The following AGMO variants were observed in gnomAD, a reference collection of about 807,000 sequenced individuals.
AGMO encodes the protein glyceryl-ether monooxygenase.
Under a neutral mutation model 60.2 loss-of-function variants are expected in AGMO, and 75 were observed. That is an observed-to-expected ratio of 1.25 (90% CI 1.03 to 1.51). The LOEUF (loss-of-function observed/expected upper bound fraction) is 1.51, where lower values mean the gene tolerates loss of function less well. AGMO is among the 40% of genes most tolerant of loss of function. AGMO has a pLI of 0.00. For synonymous variants in AGMO, 261 were observed against 177.1 expected (o/e 1.47, Z -3.76); for missense variants, 763 against 525.5 (o/e 1.45, Z -4.42).
chr7:15,390,610 CT>C, intron 8 of AGMO, 60 bp downstream of exon 8: 1 of 1,321,206 alleles, frequency 7.6e-7, no homozygotes. Flanking sequence ...TGATTTTTCT[CT>C]TAACTATAAG....
At chr7:15,356,061 T>C (rs980583907) in intron 12 of AGMO, among the ~76,000 whole-genome samples, 1 of 152,186 alleles carries the variant, frequency 6.6e-6, no homozygotes, top group African/African-American at 2.4e-5. Flanking sequence ...GACAATAGGT[T>C]AGAAATCTGA....
At chr7:15,190,673 A>C in the AGMO span, among the ~76,000 whole-genome samples, 1 of 152,192 alleles carries the variant, frequency 6.6e-6, no homozygotes, top group African/African-American at 2.4e-5. Flanking sequence ...ATGAAATAAA[A>C]CCTTATTAAT....
chr7:15,260,159 T>C lies in AGMO; in HGVS notation c.1264-58800A>G, dbSNP rs1289593465. 5.4e-5 allele frequency among the ~76,000 whole-genome samples: 8 copies of C among 148,938 alleles called. No individual in the cohort carries two copies. The East Asian group carries it at 1.4e-3, about 26-fold the overall frequency. On this transcript the variant is annotated intron_variant, in intron 12 of 12. Coordinates refer to ENST00000342526, the MANE Select transcript of AGMO (RefSeq NM_001004320.2). ...TACAGAATGGCAGAATGGATAAGAA[T>C]TCACCAAGCAAGTGATCACACAACT...
In AGMO at chr7:15,354,306, G is replaced by GTA. The variant is rs562429733; in HGVS notation, c.1263+11206_1263+11207dup. ...ACGAATGAGATAAATATATATACGT[G>GTA]TATACACGCGTGTATATACGTACGC... On this transcript the variant is annotated intron_variant, in intron 12 of 12. Transcript: ENST00000342526. Among the ~76,000 whole-genome samples, 183 of 70,766 alleles carry GTA rather than the reference G, an allele frequency of 2.6e-3. 15 individuals are homozygous for GTA. The highest frequency in any genetic ancestry group is 9.3e-3 in the Middle Eastern group (1 of 108). 46.4% of individuals were successfully genotyped at this position (70,766 alleles called of 152,430 possible).
At chr7:15,290,230 T>C (rs747195945) in intron 12 of AGMO, among the ~76,000 whole-genome samples, 3 of 152,000 alleles carry the variant, frequency 2.0e-5, no homozygotes, top group Non-Finnish European at 2.9e-5. Context: ...GGTTTCACCA[T>C]ATTGGTCAGG....
At chr7:15,309,876 C>T (rs1011548387) in intron 12 of AGMO, among the ~76,000 whole-genome samples, 2 of 152,150 alleles carry the variant, frequency 1.3e-5, no homozygotes, top group African/African-American at 4.8e-5. Context: ...GGAAAGTATA[C>T]TGGCTCCAGG....
At position 15,560,217 on chromosome 7, in the gene AGMO, G is replaced by A. The variant is rs1785267116; in HGVS notation, c.181C>T (p.Leu61Phe). 1.2e-6 allele frequency: 2 copies of A among 1,612,926 alleles called. No homozygotes were observed. Among genetic ancestry groups the A allele is most frequent in the African/African-American group, 2.7e-5 (2 of 74,820 alleles). The change falls in exon 2 of 13, where the codon CTC (leucine) becomes TTC (phenylalanine). Residue 61 changes from leucine (L) to phenylalanine (F), a missense_variant. Coordinates refer to ENST00000342526, the MANE Select transcript of AGMO (RefSeq NM_001004320.2). ...AGGCGACCTGGTGGCTTTCCTTTGA[G>A]AATCCAGCTGACAACAAGTTCAAGC... ...MLLELVVSWI[L>F]KGKPPGRLDD...
chr7:15,319,746 G>A (rs970743556), intron 12 of AGMO, among the ~76,000 whole-genome samples: 2 of 151,812 alleles, frequency 1.3e-5, no homozygotes, highest in African/African-American at 4.8e-5. Context: ...GACAGGCAAT[G>A]GAATAGACTC....
chr7:15,385,572 C>G lies in AGMO; in HGVS notation c.958-10G>C. Reference sequence around the variant, plus strand: ...CTTCTTTGCCGGTGACCTAGGGAGACAAGAACCATTTCCTTTATATTGCTC... The same window carrying G: ...CTTCTTTGCCGGTGACCTAGGGAGAGAAGAACCATTTCCTTTATATTGCTC... On this transcript the variant is annotated splice_polypyrimidine_tract_variant and intron_variant, in intron 9 of 12. Transcript: ENST00000342526. 1 of 1,502,362 alleles carries G rather than the reference C, an allele frequency of 6.7e-7. No homozygotes were observed. The highest frequency in any genetic ancestry group is 9.3e-7 in the Non-Finnish European group (1 of 1,079,484). 93.1% of individuals were successfully genotyped at this position (1,502,362 alleles called of 1,614,324 possible).
At chr7:15,465,214 G>A (rs529808157) in intron 3 of AGMO, among the ~76,000 whole-genome samples, 1 of 151,916 alleles carries the variant, frequency 6.6e-6, no homozygotes, top group East Asian at 2.0e-4. Context: ...CACCAAATGT[G>A]GGCTCGCCAG....
At chr7:15,190,552 A>G in the AGMO span, among the ~76,000 whole-genome samples, 5 of 152,140 alleles carry the variant, frequency 3.3e-5, no homozygotes, top group African/African-American at 1.2e-4. Flanking sequence ...CTGAAAAAAT[A>G]AGAATTAGAA....
In AGMO at chr7:15,529,637, T is replaced by TATATAGTATATATATTCTGTATATAGA. The variant is rs1583650850; in HGVS notation, c.409+15134_409+15135insTCTATATACAGAATATATATACTATAT. Among the ~76,000 whole-genome samples, 6 of 35,152 alleles carry TATATAGTATATATATTCTGTATATAGA rather than the reference T, an allele frequency of 1.7e-4. 3 individuals are homozygous for TATATAGTATATATATTCTGTATATAGA. The highest frequency in any genetic ancestry group is 2.1e-3 in the East Asian group (2 of 954). 23.1% of individuals were successfully genotyped at this position (35,152 alleles called of 152,430 possible). Reference sequence around the variant, plus strand: ...ATATATAGAATATATATATAGAATATATATATATACTATATATTCTATATA... The same window carrying TATATAGTATATATATTCTGTATATAGA: ...ATATATAGAATATATATATAGAATATATATAGTATATATATTCTGTATATAGAATATATATACTATATATTCTATATA... On this transcript the variant is annotated intron_variant, in intron 3 of 12. Transcript: ENST00000342526.
At chr7:15,387,686 G>C in intron 8 of AGMO, 146 bp from the exon 9 acceptor site, 2 of 668,918 alleles carry the variant, frequency 3.0e-6, no homozygotes, top group Non-Finnish European at 4.9e-6. Context: ...ATGTGTAATT[G>C]CATTCCATGC....
At chr7:15,222,494 T>C (rs1781951724) in intron 12 of AGMO, among the ~76,000 whole-genome samples, 1 of 152,062 alleles carries the variant, frequency 6.6e-6, no homozygotes, top group Non-Finnish European at 1.5e-5. Flanking sequence ...CAAAAACATG[T>C]TTTTCAATGT....
At position 15,431,103 on chromosome 7, in the gene AGMO, T is replaced by C. The variant is rs1269985508; in HGVS notation, c.415A>G (p.Asn139Asp). ...YWFHRMAHEV[N>D]IMWAGHQTHH... ...GTTTGGTGTCCGGCCCACATAATAT[T>C]AACTTCTGCAAAACACATAATTTGC... Residue 139 changes from asparagine to aspartate, a missense_variant, in exon 4 of 13, where the codon AAT (asparagine) becomes GAT (aspartate). Coordinates refer to ENST00000342526, the MANE Select transcript of AGMO (RefSeq NM_001004320.2). 3 of 1,608,690 alleles carry C rather than the reference T, an allele frequency of 1.9e-6. No individual in the cohort carries two copies. Among genetic ancestry groups the C allele is most frequent in the African/African-American group, 2.7e-5 (2 of 74,618 alleles).
intron 9 of AGMO, among the ~76,000 whole-genome samples, chr7:15,387,010 G>A (rs1169663788): frequency 6.6e-6 from 1 of 152,146 alleles, no homozygotes; most frequent in Admixed American, 6.5e-5. Flanking sequence ...GGGGGCCTCA[G>A]TTTTTCATGA....
At chr7:15,306,218 C>T (rs959579554) in intron 12 of AGMO, 2 of 237,024 alleles carry the variant, frequency 8.4e-6, no homozygotes, top group African/African-American at 4.7e-5. Flanking sequence ...CTGACATTGA[C>T]TTCATTAAAT....
At chr7:15,386,593 A>C (rs991107332) in intron 9 of AGMO, among the ~76,000 whole-genome samples, 1 of 152,196 alleles carries the variant, frequency 6.6e-6, no homozygotes, top group Admixed American at 6.6e-5. Context: ...TGAATGAGAA[A>C]ATGTCATTAT....
At chr7:15,532,360 G>A (rs1386384968) in intron 3 of AGMO, among the ~76,000 whole-genome samples, 2 of 152,188 alleles carry the variant, frequency 1.3e-5, no homozygotes, top group Admixed American at 6.6e-5. Flanking sequence ...TTGGGCCAAT[G>A]TATTAAGGCT....
Sources: gnomAD v4.1 joint callset for allele counts (sites outside exome capture counted in the v4.1 genomes callset) on GRCh38, gnomAD v4.1.1 for gene constraint, MANE v1.5 for transcripts, NCBI Gene and HGNC (gene_info 2026-07-23, HGNC 2026-07-21) for gene names.